ZNF236: variants seen among roughly 807,000 people sequenced by gnomAD.
ZNF236 encodes the protein zinc finger protein 236.
Under a neutral mutation model 191.2 loss-of-function variants are expected in ZNF236, and 50 were observed. The ratio of observed to expected loss-of-function variants is 0.26; its 90% CI spans 0.21 to 0.33. ZNF236 has a LOEUF of 0.33. Ranked by LOEUF, ZNF236 falls within the 10% of genes least tolerant of loss-of-function variation. ZNF236 has a pLI of 1.00. For missense variants in ZNF236, 1,754 were observed against 2,374.5 expected (o/e 0.74, Z 5.43); for synonymous variants, 907 against 928.8 (o/e 0.98, Z 0.43).
intron 28 of ZNF236, among the ~76,000 whole-genome samples, chr18:76,959,093 A>G (rs1029856572): frequency 1.3e-5 from 2 of 152,268 alleles, no homozygotes; most frequent in Non-Finnish European, 2.9e-5. Flanking sequence ...ATCTCTGGCA[A>G]GTTGCCAATC....
chr18:76,923,009 T>C, intron 20 of ZNF236, 62 bp from the exon 21 acceptor site: 1 of 1,251,812 alleles, frequency 8.0e-7, no homozygotes, highest in Non-Finnish European at 1.2e-6. Context: ...ATTTATATAG[T>C]TATAAATTTC....
chr18:76,867,296 T>G (rs1486006657), intron 3 of ZNF236, among the ~76,000 whole-genome samples: 1 of 152,026 alleles, frequency 6.6e-6, no homozygotes, highest in East Asian at 1.9e-4. Context: ...AGAACAAATT[T>G]TCTTTTATCA....
intron 9 of ZNF236, among the ~76,000 whole-genome samples, chr18:76,889,043 G>C (rs890601583): frequency 3.9e-5 from 6 of 152,158 alleles, no homozygotes; most frequent in Non-Finnish European, 7.3e-5. Flanking sequence ...ATTTAGCCCT[G>C]CCTGCACTTC....
intron 1 of ZNF236, among the ~76,000 whole-genome samples, chr18:76,838,383 A>G (rs1046229995): frequency 1.3e-5 from 2 of 152,228 alleles, no homozygotes; most frequent in East Asian, 1.9e-4. Flanking sequence ...TAATGCCTTT[A>G]TCTCTCAGAG....
At chr18:76,948,776 C>T (rs1968333108) in intron 27 of ZNF236, among the ~76,000 whole-genome samples, 1 of 152,198 alleles carries the variant, frequency 6.6e-6, no homozygotes, top group Non-Finnish European at 1.5e-5. Flanking sequence ...CATGGAATGC[C>T]CGCGTGGTTG....
At chr18:76,846,665 T>C (rs1975692073) in intron 1 of ZNF236, among the ~76,000 whole-genome samples, 1 of 152,124 alleles carries the variant, frequency 6.6e-6, no homozygotes, top group Admixed American at 6.5e-5. Flanking sequence ...TTCTGTGTTA[T>C]ATCACTGTTT....
At chr18:76,834,509 C>T in intron 1 of ZNF236, 1 of 468,624 alleles carries the variant, frequency 2.1e-6, no homozygotes, top group South Asian at 1.9e-5. Context: ...GCTTTCCGTT[C>T]AAGGAGCATT....
chr18:76,878,003 T>C lies in ZNF236; in HGVS notation c.841-6T>C. On this transcript the variant is annotated splice_polypyrimidine_tract_variant and splice_region_variant and intron_variant, in intron 6 of 30. Coordinates refer to ENST00000320610, the MANE Select transcript of ZNF236 (RefSeq NM_001306089.2). ...AACATCATTTTTTTCCTTTTTATTC[T>C]TTAAGGTCAAGAATGGTCCTACCTA... The C allele has an allele frequency of 2.0e-5, 31 of 1,554,208 alleles. No homozygotes were observed. Among genetic ancestry groups the C allele is most frequent in the Non-Finnish European group, 2.5e-5 (29 of 1,147,822 alleles).
chr18:76,839,496 T>C (rs1292369320), intron 1 of ZNF236, among the ~76,000 whole-genome samples: 3 of 152,232 alleles, frequency 2.0e-5, no homozygotes, highest in African/African-American at 7.2e-5. Context: ...AACAACCCTG[T>C]GAGTAGGTAG....
intron 25 of ZNF236, 60 bp from the exon 26 acceptor site, chr18:76,937,096 C>T: frequency 6.5e-7 from 1 of 1,531,012 alleles, no homozygotes; most frequent in Non-Finnish European, 9.0e-7. Flanking sequence ...TCTCCCTATG[C>T]CCTTACACCT....
chr18:76,910,625 T>G (rs1426488575), intron 15 of ZNF236, 35 bp from the exon 16 acceptor site: 1 of 1,591,546 alleles, frequency 6.3e-7, no homozygotes, highest in Non-Finnish European at 8.6e-7. Flanking sequence ...AACTTTAATA[T>G]TTTTGTAGAA....
chr18:76,915,378 G>A (rs976517649), intron 18 of ZNF236, among the ~76,000 whole-genome samples: 2 of 152,140 alleles, frequency 1.3e-5, no homozygotes, highest in Non-Finnish European at 2.9e-5. Context: ...CACAGAGCCT[G>A]CTGATTTCAG....
chr18:76,929,302 C>T (rs1967789112), intron 25 of ZNF236, among the ~76,000 whole-genome samples: 1 of 152,038 alleles, frequency 6.6e-6, no homozygotes, highest in South Asian at 2.1e-4. Flanking sequence ...CAAAAATTAA[C>T]ATTGAATTTT....
chr18:76,949,542 C>T (rs1412759955), intron 27 of ZNF236, among the ~76,000 whole-genome samples: 1 of 151,966 alleles, frequency 6.6e-6, no homozygotes, highest in African/African-American at 2.4e-5. Context: ...TAGAGCACTG[C>T]AATAAAGCGA....
intron 1 of ZNF236, among the ~76,000 whole-genome samples, chr18:76,832,954 C>T (rs1183537290): frequency 6.6e-6 from 1 of 151,932 alleles, no homozygotes; most frequent in Non-Finnish European, 1.5e-5. Flanking sequence ...AAATTTACTC[C>T]TAGATATTTG....
chr18:76,956,512 T>C (rs1371685822), intron 28 of ZNF236, among the ~76,000 whole-genome samples: 1 of 152,196 alleles, frequency 6.6e-6, no homozygotes, highest in Non-Finnish European at 1.5e-5. Flanking sequence ...AGAGGCTCGC[T>C]CACGTAATTG....
chr18:76,941,106 C>T (rs1968123649), intron 26 of ZNF236, among the ~76,000 whole-genome samples: 1 of 152,224 alleles, frequency 6.6e-6, no homozygotes, highest in South Asian at 2.1e-4. Flanking sequence ...AACCAGTCTT[C>T]CTGGTTCCAA....
Position 76,829,452 on chromosome 18 carries a change from T to A in ZNF236, c.55+6790T>A, listed in dbSNP as rs116032999. On this transcript the variant is annotated intron_variant, in intron 1 of 30. Transcript: ENST00000320610. Reference sequence around the variant, plus strand: ...AAGCCATCCTCTCACTTCGGCCTCCTGAGTACCTGGCACTACACCCTCGTG... The same window carrying A: ...AAGCCATCCTCTCACTTCGGCCTCCAGAGTACCTGGCACTACACCCTCGTG... Among the ~76,000 whole-genome samples the A allele has an allele frequency of 9.2e-3, 1,400 of 152,024 alleles. 21 individuals are homozygous for A. Among genetic ancestry groups the A allele is most frequent in the African/African-American group, 0.032 (1,315 of 41,464 alleles).
intron 30 of ZNF236, among the ~76,000 whole-genome samples, chr18:76,966,333 TCACACA>T (rs372462259): frequency 4.3e-4 from 63 of 148,208 alleles, no homozygotes; most frequent in Admixed American, 4.0e-3. Flanking sequence ...CTGCCCCCCT[TCACACA>T]CACACACACA....
Sources: gnomAD v4.1 joint callset for allele counts (sites outside exome capture counted in the v4.1 genomes callset) on GRCh38, gnomAD v4.1.1 for gene constraint, MANE v1.5 for transcripts, NCBI Gene and HGNC (gene_info 2026-07-23, HGNC 2026-07-21) for gene names.